The following DCDC1 variants were observed in gnomAD, a reference collection of about 807,000 sequenced individuals.
DCDC1 encodes the protein doublecortin domain containing 1.
In DCDC1, 200 loss-of-function variants were observed where a neutral mutation model predicts 178.3. That is an observed-to-expected ratio of 1.12 (90% CI 1.00 to 1.26). The LOEUF is 1.26. DCDC1 is among the 50% of genes most tolerant of loss of function. DCDC1 has a pLI of 0.00. For missense variants in DCDC1, 1,983 were observed against 1,749.2 expected (o/e 1.13, Z -2.38); for synonymous variants, 690 against 604.8 (o/e 1.14, Z -2.07).
chr11:31,354,773 T>A (rs1227884119), intron 1 of DCDC1, among the ~76,000 whole-genome samples: 1 of 152,206 alleles, frequency 6.6e-6, no homozygotes, highest in African/African-American at 2.4e-5. Context: ...TACTGATGCA[T>A]CTCTCTTTTA....
Position 30,996,428 on chromosome 11 carries a change from T to C in DCDC1, c.2592-43860A>G, listed in dbSNP as rs143768232. Among the ~76,000 whole-genome samples the C allele has an allele frequency of 2.0e-3, 298 of 151,420 alleles. 1 individual carries two copies. Among genetic ancestry groups the C allele is most frequent in the African/African-American group, 6.8e-3 (280 of 41,410 alleles). The stretch of plus-strand genomic sequence containing the variant: ...ACAATATGCTATGGTTTGGATGTTT[T>C]TGGCCCTTCAAAAATCATATTGAGA... On this transcript the variant is annotated intron_variant, in intron 20 of 38. Transcript: ENST00000684477.
chr11:31,207,389 T>C (rs1024416043), intron 9 of DCDC1, among the ~76,000 whole-genome samples: 1 of 152,208 alleles, frequency 6.6e-6, no homozygotes, highest in African/African-American at 2.4e-5. Context: ...TGTGTCTTCT[T>C]TGATGAATTC....
chr11:31,030,837 G>T (rs1055579517), intron 20 of DCDC1, among the ~76,000 whole-genome samples: 1 of 146,868 alleles, frequency 6.8e-6, no homozygotes, highest in Non-Finnish European at 1.5e-5. Context: ...ATAACATAGA[G>T]AATTGTATAT....
At chr11:31,141,582 TAATA>T (rs1378276803) in intron 9 of DCDC1, among the ~76,000 whole-genome samples, 1 of 152,204 alleles carries the variant, frequency 6.6e-6, no homozygotes, top group African/African-American at 2.4e-5. Flanking sequence ...GTTGATCTAT[TAATA>T]AATATTTGAT....
intron 1 of DCDC1, among the ~76,000 whole-genome samples, chr11:31,347,020 G>A (rs1176414379): frequency 6.6e-6 from 1 of 152,150 alleles, no homozygotes; most frequent in Non-Finnish European, 1.5e-5. Context: ...AATGTTAAGT[G>A]TCAACTTAAA....
chr11:30,944,393 TC>T, intron 21 of DCDC1: 1 of 454,610 alleles, frequency 2.2e-6, no homozygotes, highest in Non-Finnish European at 4.4e-6. Context: ...GAAACTTAAA[TC>T]CGGTATAAAA....
At chr11:31,050,281 T>C (rs1342973551) in intron 20 of DCDC1, among the ~76,000 whole-genome samples, 2 of 151,842 alleles carry the variant, frequency 1.3e-5, no homozygotes, top group African/African-American at 2.4e-5. Context: ...TCAGCCATAA[T>C]CCTCCTAGGC....
At chr11:31,163,078 C>T (rs1205487804) in intron 9 of DCDC1, among the ~76,000 whole-genome samples, 1 of 152,094 alleles carries the variant, frequency 6.6e-6, no homozygotes, top group Non-Finnish European at 1.5e-5. Context: ...CCCCAAATTC[C>T]CAAACTTCAT....
intron 20 of DCDC1, among the ~76,000 whole-genome samples, chr11:30,975,211 G>C (rs180799649): frequency 2.0e-5 from 3 of 152,026 alleles, no homozygotes; most frequent in Admixed American, 2.0e-4. Context: ...TAGACACTGA[G>C]AGAACATACC....
At chr11:30,992,570 A>G (rs760436771) in intron 20 of DCDC1, 1 of 152,226 alleles carries the variant, frequency 6.6e-6, no homozygotes, top group African/African-American at 2.4e-5. Flanking sequence ...GTGCCCCCAC[A>G]ACCTGGCTTT....
At chr11:30,934,992 G>A (rs1321502951) in intron 21 of DCDC1, among the ~76,000 whole-genome samples, 1 of 152,128 alleles carries the variant, frequency 6.6e-6, no homozygotes, top group Non-Finnish European at 1.5e-5. Flanking sequence ...ATTAGTTTGG[G>A]AACAAATCAC....
chr11:30,948,433 A>T (rs1056287776), intron 21 of DCDC1, among the ~76,000 whole-genome samples: 1 of 152,166 alleles, frequency 6.6e-6, no homozygotes, highest in African/African-American at 2.4e-5. Flanking sequence ...TACTGCCCAA[A>T]GTAATTTATA....
intron 38 of DCDC1, among the ~76,000 whole-genome samples, chr11:30,874,044 A>T (rs1409399879): frequency 1.3e-5 from 2 of 152,208 alleles, no homozygotes; most frequent in Admixed American, 1.3e-4. Flanking sequence ...ATGAGAAAAC[A>T]TGAGGCTACT....
At chr11:31,274,205 C>T (rs752727896) in intron 7 of DCDC1, among the ~76,000 whole-genome samples, 3 of 152,126 alleles carry the variant, frequency 2.0e-5, no homozygotes, top group Non-Finnish European at 4.4e-5. Flanking sequence ...TTCTTTCTGC[C>T]CCTCTCTTAA....
Position 30,896,734 on chromosome 11 carries a change from C to T in DCDC1, c.4766-2350G>A, listed in dbSNP as rs534292330. 5.3e-5 allele frequency among the ~76,000 whole-genome samples: 8 copies of T among 152,304 alleles called. No individual in the cohort carries two copies. The East Asian group carries it at 1.5e-3, about 29-fold the overall frequency. On this transcript the variant is annotated intron_variant, in intron 34 of 38. Coordinates refer to ENST00000684477, the MANE Select transcript of DCDC1 (RefSeq NM_001387274.1). ...CGAGTTGCCTTTTCAGGAATCCTTA[C>T]ACCAATATTTATTGAGTATTTGTTA...
chr11:31,239,333 C>A (rs542051039), intron 9 of DCDC1, among the ~76,000 whole-genome samples: 6 of 151,968 alleles, frequency 3.9e-5, no homozygotes, highest in Non-Finnish European at 8.8e-5. Flanking sequence ...GGAAATCCCA[C>A]TCACAAATAA....
chr11:31,053,241 T>C (rs986454831), intron 20 of DCDC1, among the ~76,000 whole-genome samples: 2 of 152,230 alleles, frequency 1.3e-5, no homozygotes, highest in African/African-American at 2.4e-5. Flanking sequence ...AAGAGACTTA[T>C]AAATTCCTGG....
At chr11:31,240,944 CT>C (rs2136891143) in intron 9 of DCDC1, among the ~76,000 whole-genome samples, 1 of 152,082 alleles carries the variant, frequency 6.6e-6, no homozygotes, top group Non-Finnish European at 1.5e-5. Flanking sequence ...AATAAACTAA[CT>C]CTGTTTCTAT....
chr11:31,304,989 T>G (rs951707478), intron 6 of DCDC1, among the ~76,000 whole-genome samples: 1 of 152,248 alleles, frequency 6.6e-6, no homozygotes, highest in East Asian at 1.9e-4. Context: ...TTTTTTAAAT[T>G]TTAGAAAATC....
Sources: gnomAD v4.1 joint callset for allele counts (sites outside exome capture counted in the v4.1 genomes callset) on GRCh38, gnomAD v4.1.1 for gene constraint, MANE v1.5 for transcripts, NCBI Gene and HGNC (gene_info 2026-07-23, HGNC 2026-07-21) for gene names.